The following TTLL12 variants were observed in gnomAD, a reference collection of about 807,000 sequenced individuals.
TTLL12 encodes tubulin tyrosine ligase like 12.
A neutral mutation model predicts 79.6 loss-of-function variants in TTLL12; 77 were observed. That is an observed-to-expected ratio of 0.97 (90% CI 0.81 to 1.17). The LOEUF (loss-of-function observed/expected upper bound fraction) is 1.17. Ranked by LOEUF, TTLL12 falls within the 50% of genes most tolerant of loss-of-function variation. TTLL12 has a pLI of 0.00. For missense variants in TTLL12, 969 were observed against 895.9 expected, an observed-to-expected ratio of 1.08 and a Z score of -1.04; for synonymous variants, 437 against 376.1, an observed-to-expected ratio of 1.16 and a Z score of -1.87.
In TTLL12 at chr22:43,187,033, C is replaced by G; in HGVS notation, c.37G>C (p.Glu13Gln). Reference sequence around the variant, plus strand: ...GGCGTCTGGCCCGGGCTGCTACGCTCCGCAGGCCGGCGCTCGGGACCCCGC... The same window carrying G: ...GGCGTCTGGCCCGGGCTGCTACGCTGCGCAGGCCGGCGCTCGGGACCCCGC... Reference protein sequence around the residue: ...AERGPERRPAERSSPGQTPEE... With the variant: ...AERGPERRPAQRSSPGQTPEE... Residue 13 changes from glutamate (E) to glutamine (Q), a missense_variant, in exon 1 of 14, where the codon GAG becomes CAG. By Grantham distance (29) the Glu-to-Gln change is conservative (BLOSUM62 2). Coordinates refer to ENST00000216129, the MANE Select transcript of TTLL12 (RefSeq NM_015140.4). The G allele has an allele frequency of 2.5e-6, 3 of 1,209,630 alleles. No homozygotes were observed. Among genetic ancestry groups the G allele is most frequent in the Non-Finnish European group, 3.1e-6 (3 of 972,332 alleles). The allele number at this position is 1,209,630 out of a possible 1,614,324, so 74.9% of individuals were successfully genotyped here.
At chr22:43,169,370 A>T in intron 12 of TTLL12, 130 bp downstream of exon 12, 1 of 791,014 alleles carries the variant, frequency 1.3e-6, no homozygotes, top group Non-Finnish European at 2.0e-6. Context: ...CTCTGGGGAG[A>T]ATGACCAACT....
At chr22:43,174,652 C>G (rs750436144) in intron 6 of TTLL12, 37 bp from the exon 7 acceptor site, 1 of 1,481,936 alleles carries the variant, frequency 6.7e-7, no homozygotes, top group African/African-American at 1.4e-5. Flanking sequence ...TCCCGGCTCC[C>G]AAGTGTCCAA....
chr22:43,178,838 A>C (rs2147073434), intron 5 of TTLL12, among the ~76,000 whole-genome samples: 1 of 152,376 alleles, frequency 6.6e-6, no homozygotes, highest in South Asian at 2.1e-4. Context: ...AGTAAAATGA[A>C]GATAAAAACA....
At chr22:43,178,926 A>G (rs34914705) in intron 5 of TTLL12, among the ~76,000 whole-genome samples, 10,751 of 152,294 alleles carry the variant, frequency 0.071, 531 homozygotes, top group Non-Finnish European at 0.11. Context: ...GGCTGGTTCC[A>G]GCCTACGGAA....
chr22:43,177,772 G>T lies in TTLL12; in HGVS notation c.841-1376C>A, dbSNP rs75402667. Among the ~76,000 whole-genome samples the T allele has an allele frequency of 3.9e-5, 6 of 152,212 alleles. No individual in the cohort carries two copies. In the East Asian group the frequency reaches 1.2e-3, roughly 29 times the overall value. On this transcript the variant is annotated intron_variant, in intron 5 of 13. Transcript: ENST00000216129. The stretch of plus-strand genomic sequence containing the variant: ...CCTCAAGGGAGACTTGAGGCCAGAG[G>T]CACCCCGTTGAGCCACTCCTGAACT...
chr22:43,171,993 T>C (rs548967425), intron 10 of TTLL12, 93 bp from the exon 11 acceptor site: 7 of 1,043,098 alleles, frequency 6.7e-6, no homozygotes, highest in Admixed American at 6.0e-5. Context: ...AACTAGGGGT[T>C]CAGGGCTCAG....
In TTLL12 at chr22:43,168,910, A is replaced by C; in HGVS notation, c.1647T>G (p.Ala549=). ...GCTCCGTGAAGGCCCGGAAGATCTC[A>C]GCCTGGGGACCGGGGAGCCTGAGTT... is the stretch of plus-strand genomic sequence containing the variant. ...YPEFPWTDVQ[A]EIFRAFTELF... Residue 549 remains alanine (A), a splice_region_variant and synonymous_variant, in exon 13 of 14, where the codon GCT becomes GCG. Transcript: ENST00000216129. The C allele has an allele frequency of 6.2e-7, 1 of 1,609,514 alleles. No homozygotes were observed. Among genetic ancestry groups the C allele is most frequent in the Non-Finnish European group, 8.5e-7 (1 of 1,177,932 alleles).
chr22:43,176,260 G>A (rs1931905333), intron 6 of TTLL12, 60 bp downstream of exon 6: 1 of 1,272,614 alleles, frequency 7.9e-7, no homozygotes, highest in Non-Finnish European at 1.1e-6. Context: ...GAACCACGAA[G>A]CATGGGAGGC....
intron 12 of TTLL12, 58 bp from the exon 13 acceptor site, chr22:43,168,970 G>T: frequency 1.3e-6 from 2 of 1,541,898 alleles, no homozygotes; most frequent in Admixed American, 1.9e-5. Context: ...TCAAGAGGGG[G>T]TCTGCTGCCC....
intron 8 of TTLL12, 53 bp from the exon 9 acceptor site, chr22:43,173,879 G>A: frequency 6.5e-7 from 1 of 1,527,962 alleles, no homozygotes; most frequent in Non-Finnish European, 8.9e-7. Flanking sequence ...GTTCCCAGAT[G>A]GTGCCACCCC....
At chr22:43,185,307 A>T (rs1932157355) in intron 1 of TTLL12, among the ~76,000 whole-genome samples, 2 of 122,244 alleles carry the variant, frequency 1.6e-5, no homozygotes, top group Non-Finnish European at 3.5e-5. Flanking sequence ...ATATGTATGT[A>T]TCTTCAAGTT....
chr22:43,183,144 GAAAACC>G lies in TTLL12; in HGVS notation c.178-1_182del. On this transcript the variant is annotated splice_acceptor_variant and coding_sequence_variant, in exon 2 of 14. Coordinates refer to ENST00000216129, the MANE Select transcript of TTLL12 (RefSeq NM_015140.4). LOFTEE classifies it high-confidence loss of function. ...TGATCCCAAACACTTCCCCAGCGTC[GAAAACC>G]TGGGGGCCAGAGTTCCCGTCAGCAG... is the stretch of plus-strand genomic sequence containing the variant. 6.2e-7 allele frequency: 1 copy of G among 1,613,692 alleles called. No homozygotes were observed. The highest frequency in any genetic ancestry group is 8.5e-7 in the Non-Finnish European group (1 of 1,179,870).
At position 43,168,071 on chromosome 22, in the gene TTLL12, G is replaced by A. The variant is rs778699807; in HGVS notation, c.1872C>T (p.Asn624=). The change falls in exon 14 of 14, where the codon AAC becomes AAT. Residue 624 remains asparagine (N), a synonymous_variant. Transcript: ENST00000216129. ...RACRYHPTFF[N]DVFSTLFLDQ... is the part of the protein sequence containing the mutation. ...CCAGAAACAAGGTGCTGAAGACGTC[G>A]TTGAAGAAGGTGGGGTGGTACCTGC... 24 of 1,614,030 alleles carry A rather than the reference G, an allele frequency of 1.5e-5. No homozygotes were observed. Among genetic ancestry groups the A allele is most frequent in the Admixed American group, 5.0e-5 (3 of 59,998 alleles).
chr22:43,179,598 G>A, intron 5 of TTLL12, 21 bp downstream of exon 5: 1 of 1,556,664 alleles, frequency 6.4e-7, no homozygotes, highest in Non-Finnish European at 8.7e-7. Flanking sequence ...GACAGGCCTG[G>A]TGGGTGGAGG....
intron 5 of TTLL12, 60 bp from the exon 6 acceptor site, chr22:43,176,456 G>A (rs970662547): frequency 7.7e-5 from 108 of 1,399,520 alleles, no homozygotes; most frequent in Non-Finnish European, 9.0e-5. Context: ...AAGGCCGGCC[G>A]TGGTGGCTCA....
chr22:43,177,280 G>T (rs968076626), intron 5 of TTLL12, among the ~76,000 whole-genome samples: 3 of 151,990 alleles, frequency 2.0e-5, no homozygotes, highest in African/African-American at 7.3e-5. Context: ...GAGGCAGGAG[G>T]ATTGCCTGAG....
intron 1 of TTLL12, among the ~76,000 whole-genome samples, chr22:43,184,967 C>T (rs1425311797): frequency 6.6e-6 from 1 of 152,194 alleles, no homozygotes; most frequent in Middle Eastern, 3.4e-3. Flanking sequence ...TGGCGGCTCA[C>T]GTCTGTAATC....
In TTLL12 at chr22:43,167,495, G is replaced by A. The variant is rs1931646239; in HGVS notation, c.*513C>T. The A allele has an allele frequency of 4.3e-6, 1 of 230,700 alleles. No homozygotes were observed. The highest frequency in any genetic ancestry group is 2.3e-5 in the African/African-American group (1 of 43,470). The allele number at this position is 230,700 out of a possible 1,614,324, so 14.3% of individuals were successfully genotyped here. A position where few individuals can be genotyped will look rare whatever the true frequency, so the allele number is the denominator to read the frequency against. On this transcript the variant is annotated 3_prime_UTR_variant, in exon 14 of 14. Coordinates refer to ENST00000216129, the MANE Select transcript of TTLL12 (RefSeq NM_015140.4). ...TCGCATAGAGCCCTGTGGGTGCAGT[G>A]TGGGGCCCCACAGCCGTCCCGGGGT... is the stretch of plus-strand genomic sequence containing the variant.
At position 43,171,837 on chromosome 22, in the gene TTLL12, C is replaced by T. The variant is rs777619759; in HGVS notation, c.1557G>A (p.Pro519=). The part of the protein sequence containing the change: ...EKHFTVMNYD[P]DVVLKQVHCE... Reference sequence around the variant, plus strand: ...GCCCTACCTGCTTCAGCACCACATCCGGGTCATAGTTCATGACCGTGAAGT... The same window carrying T: ...GCCCTACCTGCTTCAGCACCACATCTGGGTCATAGTTCATGACCGTGAAGT... Residue 519 remains proline, a synonymous_variant, in exon 11 of 14, where the codon CCG becomes CCA. Transcript: ENST00000216129. 36 of 1,614,004 alleles carry T rather than the reference C, an allele frequency of 2.2e-5. No individual in the cohort carries two copies. The highest frequency in any genetic ancestry group is 1.6e-4 in the Middle Eastern group (1 of 6,080).
Sources: gnomAD v4.1 joint callset for allele counts (sites outside exome capture counted in the v4.1 genomes callset) on GRCh38, gnomAD v4.1.1 for gene constraint, MANE v1.5 for transcripts, NCBI Gene and HGNC (gene_info 2026-07-23, HGNC 2026-07-21) for gene names.